Variants in ACTG2 observed in about 807,000 individuals in gnomAD.
ACTG2 encodes actin, gamma-enteric smooth muscle.
In ACTG2, 16 loss-of-function variants were observed where a neutral mutation model predicts 37.6. The ratio of observed to expected loss-of-function variants is 0.43; its 90% CI spans 0.29 to 0.65. The LOEUF (loss-of-function observed/expected upper bound fraction) is 0.65, where lower values mean the gene tolerates loss of function less well. ACTG2 is among the 30% of genes least tolerant of loss of function. ACTG2 has a pLI of 0.18. For missense variants in ACTG2, 238 were observed against 490.9 expected (o/e 0.48, Z 4.87); for synonymous variants, 181 against 179.9 (o/e 1.01, Z -0.05).
At chr2:73,898,857 C>T (rs567940374) in intron 1 of ACTG2, among the ~76,000 whole-genome samples, 195 of 140,532 alleles carry the variant, frequency 1.4e-3, no homozygotes, top group African/African-American at 5.1e-3. Flanking sequence ...GGCTGGAGTG[C>T]AGTGGCTCGA....
intron 5 of ACTG2, among the ~76,000 whole-genome samples, chr2:73,910,193 T>C (rs974837934): frequency 4.1e-5 from 6 of 146,826 alleles, no homozygotes; most frequent in African/African-American, 1.2e-4. Context: ...CCAGCCTGTG[T>C]GACAGAGCGA....
At chr2:73,905,089 A>G (rs555365794) in intron 3 of ACTG2, among the ~76,000 whole-genome samples, 42 of 152,216 alleles carry the variant, frequency 2.8e-4, no homozygotes, top group African/African-American at 9.9e-4. Context: ...TGAAACTTCC[A>G]GCATCAGAAA....
intron 3 of ACTG2, chr2:73,902,712 C>T (rs1435941752): frequency 1.8e-5 from 28 of 1,551,256 alleles, no homozygotes; most frequent in Non-Finnish European, 2.1e-5. Flanking sequence ...GTCTCTTGCC[C>T]TCATTCACCG....
chr2:73,906,688 G>A (rs772454219), intron 3 of ACTG2, among the ~76,000 whole-genome samples: 11 of 151,932 alleles, frequency 7.2e-5, no homozygotes, highest in Non-Finnish European at 1.6e-4. Flanking sequence ...TTGTTACCCA[G>A]GCTGGTCTCC....
chr2:73,908,457 AT>A lies in ACTG2; in HGVS notation c.256-215del, dbSNP rs141459867. ...AATGGAAATAATGAACACATAGAAA[AT>A]ACTGGTTCCAGGTCTGAGTCCTACC... On this transcript the variant is annotated intron_variant, in intron 3 of 8. Coordinates refer to ENST00000345517, the MANE Select transcript of ACTG2 (RefSeq NM_001615.4). 1,729 of 638,376 alleles carry A rather than the reference AT, an allele frequency of 2.7e-3. 18 individuals carry two copies. Among genetic ancestry groups the A allele is most frequent in the African/African-American group, 0.024 (1,353 of 55,988 alleles). The allele number at this position is 638,376 out of a possible 1,614,324, so 39.5% of individuals were successfully genotyped here.
intron 3 of ACTG2, among the ~76,000 whole-genome samples, chr2:73,904,767 GTGTGTGTGTGTATA>G (rs1192880179): frequency 1.6e-3 from 140 of 88,888 alleles, no homozygotes; most frequent in African/African-American, 5.8e-3. Context: ...GTGTGTGTGT[GTGTGTGTGTGTATA>G]TATATATATA....
At chr2:73,910,733 G>C (rs539663645) in intron 5 of ACTG2, among the ~76,000 whole-genome samples, 31 of 151,614 alleles carry the variant, frequency 2.0e-4, no homozygotes, top group African/African-American at 7.5e-4. Context: ...AAATTTCCAG[G>C]GCTGACCATT....
chr2:73,914,984 G>T, intron 7 of ACTG2, 113 bp downstream of exon 7: 1 of 910,612 alleles, frequency 1.1e-6, no homozygotes, highest in Non-Finnish European at 1.5e-6. Context: ...TTACATACAC[G>T]TACCTCACAT....
At chr2:73,897,191 G>A (rs1392945969) in intron 1 of ACTG2, 1 of 152,296 alleles carries the variant, frequency 6.6e-6, no homozygotes, top group African/African-American at 2.4e-5. Flanking sequence ...TGGCTTCTCT[G>A]AGCTGCTGCT....
chr2:73,912,186 T>G (rs1441344312), intron 5 of ACTG2, among the ~76,000 whole-genome samples: 1 of 152,208 alleles, frequency 6.6e-6, no homozygotes, highest in Non-Finnish European at 1.5e-5. Context: ...GAGATGCAGT[T>G]TCGCTCTGTT....
Position 73,894,050 on chromosome 2 carries a change from C to T in ACTG2, c.-37+999C>T, listed in dbSNP as rs142506298. 6.6e-4 allele frequency among the ~76,000 whole-genome samples: 101 copies of T among 152,242 alleles called. 2 individuals carry two copies. The East Asian group carries it at 0.019, about 29-fold the overall frequency. On this transcript the variant is annotated intron_variant, in intron 1 of 8. Transcript: ENST00000345517. ...ACTTGGCGATGGTGTGAGGATTAAA[C>T]GAGAGAATGCGTATATACAGCACTC...
At chr2:73,893,558 C>G (rs1679677045) in intron 1 of ACTG2, among the ~76,000 whole-genome samples, 1 of 152,214 alleles carries the variant, frequency 6.6e-6, no homozygotes, top group South Asian at 2.1e-4. Context: ...TCTCTGTCCT[C>G]TGATCTGTGC....
At chr2:73,898,871 T>A (rs538092540) in intron 1 of ACTG2, among the ~76,000 whole-genome samples, 3 of 150,030 alleles carry the variant, frequency 2.0e-5, no homozygotes, top group South Asian at 2.1e-4. Context: ...GGCTCGATCT[T>A]GGCTCACTGC....
chr2:73,916,839 A>T, intron 8 of ACTG2, 74 bp downstream of exon 8: 1 of 1,530,636 alleles, frequency 6.5e-7, no homozygotes, highest in South Asian at 1.2e-5. Context: ...CCTCGGAGGC[A>T]GACTGCCAGA....
At chr2:73,904,659 ATT>A (rs34523114) in intron 3 of ACTG2, among the ~76,000 whole-genome samples, 7 of 148,868 alleles carry the variant, frequency 4.7e-5, no homozygotes, top group Non-Finnish European at 7.4e-5. Flanking sequence ...CCCTATATAT[ATT>A]TTTTTTTAAA....
Position 73,901,335 on chromosome 2 carries a change from G to A in ACTG2, c.24G>A (p.Ala8=), listed in dbSNP as rs760259308. The A allele has an allele frequency of 4.3e-6, 7 of 1,611,676 alleles. No homozygotes were observed. Among genetic ancestry groups the A allele is most frequent in the East Asian group, 2.2e-5 (1 of 44,776 alleles). MCEEETT[A]LVCDNGSGLC... is the part of the protein sequence containing the mutation. ...CCATGTGTGAAGAGGAGACCACCGC[G>A]CTCGTGTGTGACAATGGCTCTGGCC... Residue 8 remains alanine, a synonymous_variant, in exon 2 of 9, where the codon GCG becomes GCA. Transcript: ENST00000345517.
At chr2:73,913,073 G>A (rs1680175640) in intron 5 of ACTG2, among the ~76,000 whole-genome samples, 1 of 149,884 alleles carries the variant, frequency 6.7e-6, no homozygotes, top group South Asian at 2.1e-4. Context: ...GGAGGCTGAG[G>A]CAGGAGAATC....
intron 1 of ACTG2, among the ~76,000 whole-genome samples, chr2:73,897,957 A>G (rs1401946719): frequency 6.6e-6 from 1 of 152,264 alleles, no homozygotes; most frequent in African/African-American, 2.4e-5. Context: ...CTAAATTTCA[A>G]CATGAGTTTT....
chr2:73,909,448 G>C (rs1394363424), intron 5 of ACTG2, among the ~76,000 whole-genome samples: 1 of 152,182 alleles, frequency 6.6e-6, no homozygotes, highest in African/African-American at 2.4e-5. Flanking sequence ...AGAACCTGTG[G>C]TGGTGGAAAT....
Sources: allele counts gnomAD v4.1 joint callset (sites outside exome capture counted in the v4.1 genomes callset), GRCh38; gene constraint gnomAD v4.1.1; transcripts MANE v1.5; gene names NCBI Gene and HGNC (gene_info 2026-07-23, HGNC 2026-07-21).